CCNE2: variants seen among roughly 807,000 people sequenced by gnomAD.
CCNE2 encodes G1/S-specific cyclin-E2.
A neutral mutation model predicts 56.8 loss-of-function variants in CCNE2; 18 were observed. The ratio of observed to expected loss-of-function variants is 0.32; its 90% CI spans 0.22 to 0.47. The LOEUF is 0.47. CCNE2 is among the 20% of genes least tolerant of loss of function. The pLI is 1.00. For missense variants in CCNE2, 371 were observed against 467.1 expected, an observed-to-expected ratio of 0.79 and a Z score of 1.90; for synonymous variants, 139 against 149.2, an observed-to-expected ratio of 0.93 and a Z score of 0.50.
At chr8:94,887,109 T>C (rs1484627803) in intron 7 of CCNE2, among the ~76,000 whole-genome samples, 5 of 152,222 alleles carry the variant, frequency 3.3e-5, no homozygotes, top group African/African-American at 9.6e-5. Context: ...GATGAAAGTA[T>C]TGATGATATC....
At position 94,893,937 on chromosome 8, in the gene CCNE2, T is replaced by C; in HGVS notation, c.119A>G (p.Lys40Arg). The change falls in exon 4 of 12, where the codon AAA (lysine) becomes AGA (arginine). Residue 40 changes from lysine to arginine, a missense_variant. Coordinates refer to ENST00000308108, the MANE Select transcript of CCNE2 (RefSeq NM_057749.3). Reference sequence around the variant, plus strand: ...CTTGGTGACCTCCTCTCTTCTTTTTTTGACATCCTGGAAAATAGAAAAGAC... The same window carrying C: ...CTTGGTGACCTCCTCTCTTCTTTTTCTGACATCCTGGAAAATAGAAAAGAC... The part of the protein sequence containing the change: ...AKKRKTTQDV[K>R]KRREEVTKKH... 2 of 1,614,170 alleles carry C rather than the reference T, an allele frequency of 1.2e-6. No individual in the cohort carries two copies. Among genetic ancestry groups the C allele is most frequent in the Non-Finnish European group, 1.7e-6 (2 of 1,180,020 alleles).
At chr8:94,882,980 A>G (rs996877521) in intron 9 of CCNE2, 88 bp from the exon 10 acceptor site, 18 of 893,532 alleles carry the variant, frequency 2.0e-5, no homozygotes, top group Non-Finnish European at 3.0e-5. Flanking sequence ...CTAGAGATAA[A>G]TAAGCCACCA....
At position 94,882,225 on chromosome 8, in the gene CCNE2, T is replaced by G. The variant is rs1395962105; in HGVS notation, c.1008A>C (p.Lys336Asn). 6.2e-7 allele frequency: 1 copy of G among 1,613,134 alleles called. No homozygotes were observed. Among genetic ancestry groups the G allele is most frequent in the Non-Finnish European group, 8.5e-7 (1 of 1,179,624 alleles). The part of the protein sequence containing the change: ...DWMVPFVNVV[K>N]STSPVKLKTF... ...TCTTCAGCTTCACTGGACTAGTACT[T>G]TTTACTACATTGACAAAAGGTACCA... The change falls in exon 11 of 12, where the codon AAA becomes AAC. Residue 336 changes from lysine to asparagine, a missense_variant. Transcript: ENST00000308108.
Position 94,885,446 on chromosome 8 carries a change from A to G in CCNE2, c.696+17T>C. 1.4e-6 allele frequency: 2 copies of G among 1,466,000 alleles called. No homozygotes were observed. Among genetic ancestry groups the G allele is most frequent in the Non-Finnish European group, 1.9e-6 (2 of 1,064,748 alleles). The allele number at this position is 1,466,000 out of a possible 1,614,324, so 90.8% of individuals were successfully genotyped here. ...ATGGTTTCTTTTTTGCAACTAGGAA[A>G]ACATAATTATTATTACCTTTAATAT... On this transcript the variant is annotated intron_variant, in intron 8 of 11. Coordinates refer to ENST00000308108, the MANE Select transcript of CCNE2 (RefSeq NM_057749.3).
In CCNE2 at chr8:94,882,301, GA is replaced by G; in HGVS notation, c.944-13del. On this transcript the variant is annotated splice_polypyrimidine_tract_variant and intron_variant, in intron 10 of 11. Transcript: ENST00000308108. ...GTCCCACTCCAAACCTAGATAGATA[GA>G]AAAAAGTTAGAAAAGCATGAAGGTT... 6.4e-7 allele frequency: 1 copy of G among 1,572,258 alleles called. No individual in the cohort carries two copies. Among genetic ancestry groups the G allele is most frequent in the Non-Finnish European group, 8.6e-7 (1 of 1,160,138 alleles).
chr8:94,895,121 G>A (rs1817437504), intron 1 of CCNE2, 56 bp downstream of exon 1: 16 of 946,074 alleles, frequency 1.7e-5, no homozygotes, highest in South Asian at 9.8e-5. Context: ...GTAAGTGATC[G>A]GCCCAACTGG....
rs1816758265 is a variant in CCNE2 at position 94,880,311 on chromosome 8, AATAC to A, written c.*1317_*1320del. 1.1e-5 allele frequency: 8 copies of A among 724,614 alleles called. No individual in the cohort carries two copies. The highest frequency in any genetic ancestry group is 1.6e-5 in the Non-Finnish European group (7 of 429,970). 44.9% of individuals were successfully genotyped at this position (724,614 alleles called of 1,614,324 possible). ...CAGTATTAAAAGGTTAAGTTTATATAATACATATGTACACAATTAGTGGTGTTTT... is the reference window on the plus strand; with the variant it reads ...CAGTATTAAAAGGTTAAGTTTATATAATATGTACACAATTAGTGGTGTTTT... On this transcript the variant is annotated 3_prime_UTR_variant, in exon 12 of 12. Coordinates refer to ENST00000308108, the MANE Select transcript of CCNE2 (RefSeq NM_057749.3).
intron 6 of CCNE2, 36 bp downstream of exon 6, chr8:94,890,379 A>C: frequency 6.6e-7 from 1 of 1,526,328 alleles, no homozygotes. Flanking sequence ...TTTCCATCAT[A>C]CAGAGACAAA....
chr8:94,890,623 C>G (rs943909262), intron 5 of CCNE2, 73 bp from the exon 6 acceptor site: 1 of 408,688 alleles, frequency 2.4e-6, no homozygotes, highest in African/African-American at 2.3e-5. Context: ...GACAGAGTCT[C>G]GCTCTGTGGC....
intron 8 of CCNE2, 122 bp from the exon 9 acceptor site, chr8:94,885,323 G>A: frequency 9.1e-7 from 1 of 1,098,154 alleles, no homozygotes; most frequent in Non-Finnish European, 1.3e-6. Flanking sequence ...ATATTTTGAT[G>A]CATTAACCTC....
chr8:94,887,923 T>C lies in CCNE2; in HGVS notation c.600+4A>G. 6.4e-7 allele frequency: 1 copy of C among 1,561,074 alleles called. No homozygotes were observed. The highest frequency in any genetic ancestry group is 8.6e-7 in the Non-Finnish European group (1 of 1,160,606). On this transcript the variant is annotated splice_donor_region_variant and intron_variant, in intron 7 of 11. Coordinates refer to ENST00000308108, the MANE Select transcript of CCNE2 (RefSeq NM_057749.3). ...TATCTAAGGATAAACTTTTAAGAAC[T>C]TACCTCAAGTTTGGAAGCAATGAAT...
chr8:94,882,235 T>C lies in CCNE2; in HGVS notation c.998A>G (p.Asn333Ser), dbSNP rs933783876. ...CACTGGACTAGTACTTTTTACTACA[T>C]TGACAAAAGGTACCATCCAATCTAC... Reference protein sequence around the residue: ...ECVDWMVPFVNVVKSTSPVKL... With the variant: ...ECVDWMVPFVSVVKSTSPVKL... The change falls in exon 11 of 12, where the codon AAT becomes AGT. Residue 333 changes from asparagine (N) to serine (S), a missense_variant. Physicochemically the swap from Asn to Ser is conservative, Grantham distance 46 (BLOSUM62 1). Transcript: ENST00000308108. 1 of 1,604,012 alleles carries C rather than the reference T, an allele frequency of 6.2e-7. No individual in the cohort carries two copies. The highest frequency in any genetic ancestry group is 1.1e-5 in the South Asian group (1 of 89,272).
intron 5 of CCNE2, chr8:94,891,724 G>T: frequency 2.7e-6 from 2 of 743,640 alleles, no homozygotes; most frequent in East Asian, 2.8e-5. Flanking sequence ...GAAACAGCAT[G>T]TGCCATTCTG....
At chr8:94,884,218 T>C (rs570311568) in intron 9 of CCNE2, among the ~76,000 whole-genome samples, 3 of 152,350 alleles carry the variant, frequency 2.0e-5, no homozygotes, top group East Asian at 1.9e-4. Context: ...ATGTCTTCCA[T>C]ATGTTAGATT....
Position 94,894,210 on chromosome 8 carries a change from T to TC in CCNE2, c.11dup (p.Ser5LysfsTer2). ...GTCTCTAAGACAGATAATGTTACCT[T>TC]CGTCTTGACATTCTCTTCTTTCAGG... On this transcript the variant is annotated frameshift_variant, in exon 2 of 12. Coordinates refer to ENST00000308108, the MANE Select transcript of CCNE2 (RefSeq NM_057749.3). LOFTEE classifies it high-confidence loss of function. 6.2e-7 allele frequency: 1 copy of TC among 1,614,176 alleles called. No individual in the cohort carries two copies. The highest frequency in any genetic ancestry group is 1.1e-5 in the South Asian group (1 of 91,088).
At chr8:94,889,048 T>C (rs1346375704) in intron 6 of CCNE2, among the ~76,000 whole-genome samples, 1 of 151,814 alleles carries the variant, frequency 6.6e-6, no homozygotes, top group African/African-American at 2.4e-5. Flanking sequence ...TGTGGGTGGC[T>C]GAGACAAGAG....
chr8:94,893,656 G>A (rs1037267964), intron 4 of CCNE2: 1 of 549,654 alleles, frequency 1.8e-6, no homozygotes, highest in African/African-American at 1.9e-5. Flanking sequence ...GCAGTTCCAA[G>A]AGGGAGGGAT....
chr8:94,882,485 A>G (rs1295722840), intron 10 of CCNE2, among the ~76,000 whole-genome samples, 196 bp from the exon 11 acceptor site: 1 of 152,272 alleles, frequency 6.6e-6, no homozygotes, highest in African/African-American at 2.4e-5. Context: ...AAAGGACTTC[A>G]GAACTTCTTA....
intron 4 of CCNE2, 167 bp downstream of exon 4, chr8:94,893,724 G>C (rs931459058): frequency 1.5e-6 from 1 of 665,612 alleles, no homozygotes; most frequent in Admixed American, 2.7e-5. Flanking sequence ...GTAGGATTCG[G>C]GCACATAGAA....
Sources: allele counts gnomAD v4.1 joint callset (sites outside exome capture counted in the v4.1 genomes callset), GRCh38; gene constraint gnomAD v4.1.1; transcripts MANE v1.5; gene names NCBI Gene and HGNC (gene_info 2026-07-23, HGNC 2026-07-21).